Variants in AFF4 observed in about 807,000 individuals in gnomAD.
AFF4 encodes the protein AF4/FMR2 family member 4.
Under a neutral mutation model 124.8 loss-of-function variants are expected in AFF4, and 13 were observed. The observed-to-expected ratio is 0.10, with a 90% CI of 0.07 to 0.17. AFF4 has a LOEUF of 0.17. Among genes scored for constraint, AFF4 ranks in the 10% least tolerant of loss-of-function variants. The pLI is 1.00. For synonymous variants in AFF4, 477 were observed against 496.1 expected (o/e 0.96, Z 0.51); for missense variants, 1,092 against 1,403.8 (o/e 0.78, Z 3.55).
At chr5:132,913,586 GGTGCCCACCA>G (rs1424598579) in intron 5 of AFF4, among the ~76,000 whole-genome samples, 24 of 152,118 alleles carry the variant, frequency 1.6e-4, no homozygotes, top group Non-Finnish European at 2.5e-4. Flanking sequence ...TGCAACTGCA[GGTGCCCACCA>G]CCGTGCCCGG....
chr5:132,914,337 T>C (rs1210695224), intron 5 of AFF4, among the ~76,000 whole-genome samples: 1 of 152,030 alleles, frequency 6.6e-6, no homozygotes, highest in Non-Finnish European at 1.5e-5. Flanking sequence ...GCGCAGCGGC[T>C]CACGCCTGTA....
chr5:132,931,975 A>C (rs1761310485), intron 4 of AFF4, among the ~76,000 whole-genome samples: 1 of 152,176 alleles, frequency 6.6e-6, no homozygotes, highest in Admixed American at 6.5e-5. Context: ...AACAAAAAAA[A>C]ACACAAAGAA....
Position 132,886,382 on chromosome 5 carries a change from C to T in AFF4, c.3027G>A (p.Leu1009=). The part of the protein sequence containing the change: ...TVLCLRCESL[L]YLRLFKLKKE... ...TCTTCAGTTTGAACAGCCTCAGGTA[C>T]AGCAAAGACTCGCATCGCAGGCTAG... is the stretch of plus-strand genomic sequence containing the variant. The change falls in exon 18 of 21, where the codon CTG becomes CTA. Residue 1009 remains leucine (L), a synonymous_variant. Coordinates refer to ENST00000265343, the MANE Select transcript of AFF4 (RefSeq NM_014423.4). 1.2e-6 allele frequency: 2 copies of T among 1,614,102 alleles called. No individual in the cohort carries two copies. Among genetic ancestry groups the T allele is most frequent in the Non-Finnish European group, 1.7e-6 (2 of 1,180,002 alleles).
At chr5:132,926,936 A>C (rs1468424236) in intron 5 of AFF4, 185 bp downstream of exon 5, 1 of 529,140 alleles carries the variant, frequency 1.9e-6, no homozygotes, top group Non-Finnish European at 3.3e-6. Context: ...AGATGCTCTC[A>C]GTTCCATTAC....
intron 12 of AFF4, 73 bp from the exon 13 acceptor site, chr5:132,892,477 T>C: frequency 6.6e-7 from 1 of 1,523,744 alleles, no homozygotes; most frequent in Non-Finnish European, 8.8e-7. Flanking sequence ...CATTTCTCTT[T>C]GTCTGCTTTC....
chr5:132,957,950 G>C lies in AFF4; in HGVS notation c.-5+5309C>G, dbSNP rs542069007. Reference sequence around the variant, plus strand: ...TTATAGATTAAAAGAAAAAAGTATCGATTACCTAAACCCAATGTAATATTT... The same window carrying C: ...TTATAGATTAAAAGAAAAAAGTATCCATTACCTAAACCCAATGTAATATTT... On this transcript the variant is annotated intron_variant, in intron 1 of 20. Transcript: ENST00000265343. Among the ~76,000 whole-genome samples, 133 of 151,978 alleles carry C rather than the reference G, an allele frequency of 8.8e-4. 1 individual carries two copies. Among genetic ancestry groups the C allele is most frequent in the African/African-American group, 3.2e-3 (133 of 41,462 alleles).
At chr5:132,918,400 G>A (rs1466244093) in intron 5 of AFF4, among the ~76,000 whole-genome samples, 2 of 151,596 alleles carry the variant, frequency 1.3e-5, no homozygotes, top group Non-Finnish European at 2.9e-5. Flanking sequence ...AGTGGCTCAT[G>A]CCTGTAATCC....
At chr5:132,901,293 T>C (rs1365519921) in intron 7 of AFF4, among the ~76,000 whole-genome samples, 2 of 152,338 alleles carry the variant, frequency 1.3e-5, no homozygotes, top group South Asian at 2.1e-4. Context: ...TAGGTATATA[T>C]ATGGTAAGAC....
chr5:132,898,398 A>G lies in AFF4; in HGVS notation c.1227-6T>C. The G allele has an allele frequency of 6.2e-7, 1 of 1,611,988 alleles. No individual in the cohort carries two copies. The highest frequency in any genetic ancestry group is 1.1e-5 in the South Asian group (1 of 90,642). ...GGTGTGAAGGTTCAGAGTTACTAAA[A>G]GAGATGAAATATACAAATGTCCAAA... On this transcript the variant is annotated splice_polypyrimidine_tract_variant and splice_region_variant and intron_variant, in intron 9 of 20. Transcript: ENST00000265343.
intron 4 of AFF4, among the ~76,000 whole-genome samples, chr5:132,928,464 A>G (rs988283428): frequency 6.6e-6 from 1 of 152,178 alleles, no homozygotes; most frequent in Non-Finnish European, 1.5e-5. Context: ...TAATTATTTC[A>G]AAAACAATTA....
chr5:132,905,306 G>C (rs769645917), intron 5 of AFF4, among the ~76,000 whole-genome samples: 18 of 152,170 alleles, frequency 1.2e-4, no homozygotes, highest in Non-Finnish European at 2.6e-4. Flanking sequence ...TTCATGACCA[G>C]AACAGCTGTT....
At chr5:132,899,551 T>C (rs1349156315) in intron 8 of AFF4, 36 bp downstream of exon 8, 1 of 1,562,724 alleles carries the variant, frequency 6.4e-7, no homozygotes, top group African/African-American at 1.4e-5. Context: ...GAAAATACTA[T>C]ATGAGACTGG....
chr5:132,896,868 T>C lies in AFF4; in HGVS notation c.1762A>G (p.Thr588Ala). The C allele has an allele frequency of 1.2e-6, 2 of 1,613,842 alleles. No individual in the cohort carries two copies. Among genetic ancestry groups the C allele is most frequent in the Non-Finnish European group, 1.7e-6 (2 of 1,179,968 alleles). ...PRGGLKIESETPVDLASSMPS... is the reference protein window; with the variant it reads ...PRGGLKIESEAPVDLASSMPS... ...ATGCTGCTAGCCAAGTCTACAGGGG[T>C]TTCACTTTCTATCTTCAGGCCTCCA... Residue 588 changes from threonine to alanine, a missense_variant, in exon 11 of 21, where the codon ACC becomes GCC. Around this residue, in one of 11 missense-constraint regions of AFF4, gnomAD observed 174 missense variants for 205.9 expected, o/e 0.84. Transcript: ENST00000265343.
intron 1 of AFF4, among the ~76,000 whole-genome samples, chr5:132,940,764 C>G (rs1387833999): frequency 2.0e-5 from 3 of 152,116 alleles, no homozygotes; most frequent in Admixed American, 6.5e-5. Context: ...CTGTGGCTCA[C>G]TCCTGTAATC....
rs1761361386 is a variant in AFF4, at chr5:132,934,037, AT to A, written c.918+109del. On this transcript the variant is annotated intron_variant, in intron 3 of 20. Transcript: ENST00000265343. Reference sequence around the variant, plus strand: ...ATTTTTTTCATCTTTCAACTTTTACATTCCTTACTATTAAGGCAAGGAAGCA... The same window carrying A: ...ATTTTTTTCATCTTTCAACTTTTACATCCTTACTATTAAGGCAAGGAAGCA... 7 of 1,233,350 alleles carry A rather than the reference AT, an allele frequency of 5.7e-6. No homozygotes were observed. The Admixed American group carries it at 1.1e-4, about 20-fold the overall frequency. The allele number at this position is 1,233,350 out of a possible 1,614,324, so 76.4% of individuals were successfully genotyped here.
intron 5 of AFF4, among the ~76,000 whole-genome samples, chr5:132,909,995 C>T (rs1238763808): frequency 6.6e-6 from 1 of 152,198 alleles, no homozygotes; most frequent in Non-Finnish European, 1.5e-5. Flanking sequence ...AAGTGTGATG[C>T]ACACAACTAC....
intron 1 of AFF4, among the ~76,000 whole-genome samples, chr5:132,938,334 C>T (rs1335630034): frequency 6.6e-6 from 1 of 150,954 alleles, no homozygotes; most frequent in Non-Finnish European, 1.5e-5. Flanking sequence ...GGTGCGATCT[C>T]CCAGCTCACC....
chr5:132,947,560 T>C (rs1394524372), intron 1 of AFF4, among the ~76,000 whole-genome samples: 1 of 152,192 alleles, frequency 6.6e-6, no homozygotes, highest in Non-Finnish European at 1.5e-5. Context: ...CATTCAACTA[T>C]AAGATTATTG....
rs750152041 is a variant in AFF4 at position 132,896,540 on chromosome 5, T to A, written c.2090A>T (p.Glu697Val). Residue 697 changes from glutamate (E) to valine (V), a missense_variant, in exon 11 of 21, where the codon GAA becomes GTA. By Grantham distance (121) the Glu-to-Val change is moderately radical. Around this residue, in one of 11 missense-constraint regions of AFF4, gnomAD observed 293 missense variants for 280.2 expected, o/e 1.05. Transcript: ENST00000265343. The stretch of plus-strand genomic sequence containing the variant: ...GAGGGGTGAAAGAAGTTCCTTCTCT[T>A]CCATAGGAGAGAACATTCGTTGCCG... ...FFRQRMFSPMEEKELLSPLSE... is the reference protein window; with the variant it reads ...FFRQRMFSPMVEKELLSPLSE... 2 of 1,614,066 alleles carry A rather than the reference T, an allele frequency of 1.2e-6. No homozygotes were observed. The highest frequency in any genetic ancestry group is 4.5e-5 in the East Asian group (2 of 44,884).
Sources: allele counts gnomAD v4.1 joint callset (sites outside exome capture counted in the v4.1 genomes callset), GRCh38; gene constraint gnomAD v4.1.1; regional missense constraint gnomAD v4.1.1; transcripts MANE v1.5; gene names NCBI Gene and HGNC (gene_info 2026-07-23, HGNC 2026-07-21).